The following DCDC1 variants were observed in gnomAD, a reference collection of about 807,000 sequenced individuals.
DCDC1 encodes the protein doublecortin domain-containing protein 1.
Under a neutral mutation model 178.3 loss-of-function variants are expected in DCDC1, and 200 were observed. That is an observed-to-expected ratio of 1.12 (90% CI 1.00 to 1.26). The LOEUF is 1.26. Among genes scored for constraint, DCDC1 ranks in the 50% most tolerant of loss-of-function variants. The pLI, the probability that DCDC1 is intolerant of heterozygous loss-of-function variation, is 0.00. For missense variants in DCDC1, 1,983 were observed against 1,749.2 expected (o/e 1.13, Z -2.38); for synonymous variants, 690 against 604.8 (o/e 1.14, Z -2.07).
intron 9 of DCDC1, among the ~76,000 whole-genome samples, chr11:31,180,995 T>G (rs1968718240): frequency 6.6e-6 from 1 of 152,168 alleles, no homozygotes; most frequent in South Asian, 2.1e-4. Context: ...CACAGCAGGC[T>G]GAAGTCGACT....
rs1353988921 is a variant in DCDC1 at position 31,130,979 on chromosome 11, G to A, written c.1315-3340C>T. The stretch of plus-strand genomic sequence containing the variant: ...GGGTGGATCATGAGGTCAGGAGATC[G>A]AGACCATCCTGGCTAACAAGGTGAA... On this transcript the variant is annotated intron_variant, in intron 10 of 38. Transcript: ENST00000684477. Among the ~76,000 whole-genome samples, 4 of 30,898 alleles carry A rather than the reference G, an allele frequency of 1.3e-4. 2 individuals carry two copies. Among genetic ancestry groups the A allele is most frequent in the African/African-American group, 3.8e-4 (4 of 10,512 alleles). The allele number at this position is 30,898 out of a possible 152,430, so 20.3% of individuals were successfully genotyped here.
intron 21 of DCDC1, among the ~76,000 whole-genome samples, chr11:30,938,229 C>T (rs1189936076): frequency 3.9e-5 from 6 of 152,080 alleles, no homozygotes; most frequent in Admixed American, 6.6e-5. Context: ...CTCTCTCTCT[C>T]TCTATCATCT....
At chr11:31,134,579 C>T (rs1241560012) in intron 10 of DCDC1, among the ~76,000 whole-genome samples, 1 of 152,208 alleles carries the variant, frequency 6.6e-6, no homozygotes, top group Non-Finnish European at 1.5e-5. Context: ...TCCATTTTCT[C>T]TCATAGGCAT....
chr11:31,322,051 T>C (rs1353191608), intron 3 of DCDC1, among the ~76,000 whole-genome samples: 5 of 152,212 alleles, frequency 3.3e-5, no homozygotes, highest in Admixed American at 6.5e-5. Flanking sequence ...CCCAGGCCCT[T>C]TGTATAAATT....
At chr11:30,923,744 G>A (rs1436936374) in intron 23 of DCDC1, among the ~76,000 whole-genome samples, 1 of 151,870 alleles carries the variant, frequency 6.6e-6, no homozygotes, top group Non-Finnish European at 1.5e-5. Flanking sequence ...AGCCTCCTGA[G>A]TAGCTGGGAT....
Position 30,915,695 on chromosome 11 carries a change from T to C in DCDC1, c.3469A>G (p.Ser1157Gly), listed in dbSNP as rs1377075114. ...TGATGACAATGCTTGTGCAATTTAC[T>C]ATGCTTTGGTGAACAGCTGAGATAA... ...QKKHSCSPKH[S>G]KLHKHCHQQF... The change falls in exon 27 of 39, where the codon AGT becomes GGT. Residue 1157 changes from serine to glycine, a missense_variant. Coordinates refer to ENST00000684477, the MANE Select transcript of DCDC1 (RefSeq NM_001387274.1). 2 of 1,613,480 alleles carry C rather than the reference T, an allele frequency of 1.2e-6. No individual in the cohort carries two copies. The highest frequency in any genetic ancestry group is 3.3e-5 in the Admixed American group (2 of 59,970).
chr11:31,181,439 G>A (rs532158887), intron 9 of DCDC1, among the ~76,000 whole-genome samples: 1 of 152,288 alleles, frequency 6.6e-6, no homozygotes, highest in Admixed American at 6.5e-5. Context: ...ACCCAACAGG[G>A]GTTGACAGAC....
intron 20 of DCDC1, among the ~76,000 whole-genome samples, chr11:31,011,707 A>T (rs1387547271): frequency 1.3e-5 from 2 of 152,244 alleles, no homozygotes; most frequent in Non-Finnish European, 2.9e-5. Context: ...TATTCATAGT[A>T]ATTCCACCTC....
chr11:31,240,927 T>C (rs1246507321), intron 9 of DCDC1, among the ~76,000 whole-genome samples: 1 of 152,024 alleles, frequency 6.6e-6, no homozygotes, highest in Non-Finnish European at 1.5e-5. Flanking sequence ...CGGTTTAACC[T>C]GATTCAAATA....
At position 31,315,646 on chromosome 11, in the gene DCDC1, CTTT is replaced by C. The variant is rs59083470; in HGVS notation, c.165-7741_165-7739del. Among the ~76,000 whole-genome samples, 351 of 112,422 alleles carry C rather than the reference CTTT, an allele frequency of 3.1e-3. 1 individual carries two copies. Among genetic ancestry groups the C allele is most frequent in the African/African-American group, 0.012 (318 of 27,114 alleles). The allele number at this position is 112,422 out of a possible 152,430, so 73.8% of individuals were successfully genotyped here. A position where few individuals can be genotyped will look rare whatever the true frequency, so the allele number is the denominator to read the frequency against. On this transcript the variant is annotated intron_variant, in intron 3 of 38. Transcript: ENST00000684477. ...CCACCATGCCCGGCCATCTGCATAC[CTTT>C]TTTTTTTTTTTTTTTTTTATTAAAC... is the stretch of plus-strand genomic sequence containing the variant.
chr11:31,084,082 T>C (rs1034739044), intron 17 of DCDC1, among the ~76,000 whole-genome samples: 1 of 152,116 alleles, frequency 6.6e-6, no homozygotes, highest in Non-Finnish European at 1.5e-5. Flanking sequence ...TAGAAAAATA[T>C]ATATATTAAA....
chr11:30,923,922 T>C (rs1946428529), intron 23 of DCDC1, among the ~76,000 whole-genome samples: 1 of 151,986 alleles, frequency 6.6e-6, no homozygotes, highest in South Asian at 2.1e-4. Context: ...CAGGCAAAAA[T>C]TTCTTATTTT....
At chr11:31,322,658 T>G (rs1949429663) in intron 3 of DCDC1, among the ~76,000 whole-genome samples, 1 of 152,204 alleles carries the variant, frequency 6.6e-6, no homozygotes, top group Non-Finnish European at 1.5e-5. Flanking sequence ...ATGAGCCATC[T>G]TGCAAGCAGG....
rs1958878115 is a variant in DCDC1 at position 31,106,786 on chromosome 11, C to T, written c.1751+11G>A. 1.3e-6 allele frequency: 1 copy of T among 765,398 alleles called. No individual in the cohort carries two copies. The highest frequency in any genetic ancestry group is 1.3e-5 in the South Asian group (1 of 74,486). 47.4% of individuals were successfully genotyped at this position (765,398 alleles called of 1,614,324 possible). ...AAGATTGAGGACAGAAAACAAACCC[C>T]TTGCTCCTACCTGTATGCTCTACCA... On this transcript the variant is annotated intron_variant, in intron 13 of 38. Transcript: ENST00000684477.
At chr11:31,027,757 T>C (rs934148918) in intron 20 of DCDC1, among the ~76,000 whole-genome samples, 1 of 151,872 alleles carries the variant, frequency 6.6e-6, no homozygotes, top group African/African-American at 2.4e-5. Context: ...TGGTAGAAAA[T>C]AGCTTAGCTG....
intron 34 of DCDC1, among the ~76,000 whole-genome samples, chr11:30,894,875 G>A (rs1051386974): frequency 4.6e-5 from 7 of 151,846 alleles, no homozygotes; most frequent in Non-Finnish European, 8.8e-5. Context: ...AATACCCTGC[G>A]AGCACGATTA....
chr11:31,009,957 G>A (rs1952076359), intron 20 of DCDC1, among the ~76,000 whole-genome samples: 1 of 152,156 alleles, frequency 6.6e-6, no homozygotes, highest in Admixed American at 6.5e-5. Context: ...ATCAGATCCT[G>A]TGAGAACACA....
chr11:31,326,534 T>A (rs780073038), intron 3 of DCDC1, among the ~76,000 whole-genome samples: 3 of 152,130 alleles, frequency 2.0e-5, no homozygotes, highest in Non-Finnish European at 4.4e-5. Flanking sequence ...GAACATTTAA[T>A]CCTATTTAGA....
At chr11:31,080,931 C>A (rs910225850) in intron 17 of DCDC1, among the ~76,000 whole-genome samples, 1 of 152,202 alleles carries the variant, frequency 6.6e-6, no homozygotes. Flanking sequence ...CCATACAAAT[C>A]TGTAAAATTC....
Sources: gnomAD v4.1 joint callset for allele counts (sites outside exome capture counted in the v4.1 genomes callset) on GRCh38, gnomAD v4.1.1 for gene constraint, MANE v1.5 for transcripts, NCBI Gene and HGNC (gene_info 2026-07-23, HGNC 2026-07-21) for gene names.